The following LZTFL1 variants were observed in gnomAD, a reference collection of about 807,000 sequenced individuals.
LZTFL1 encodes the protein leucine zipper transcription factor like 1.
Under a neutral mutation model 45.9 loss-of-function variants are expected in LZTFL1, and 25 were observed. The observed-to-expected ratio is 0.54, with a 90% CI of 0.40 to 0.76. The LOEUF (loss-of-function observed/expected upper bound fraction) is 0.76. Ranked by LOEUF, LZTFL1 falls within the 30% of genes least tolerant of loss-of-function variation. The pLI, the probability that LZTFL1 is intolerant of heterozygous loss-of-function variation, is 0.00. For missense variants in LZTFL1, 277 were observed against 331.1 expected, an observed-to-expected ratio of 0.84 and a Z score of 1.27; for synonymous variants, 93 against 117.4, an observed-to-expected ratio of 0.79 and a Z score of 1.35.
intron 2 of LZTFL1, among the ~76,000 whole-genome samples, chr3:45,876,355 A>G (rs570415717): frequency 1.3e-5 from 2 of 152,318 alleles, no homozygotes; most frequent in Non-Finnish European, 2.9e-5. Flanking sequence ...TTAGAAATGA[A>G]ATATTTTAAT....
chr3:45,887,100 G>A (rs1220525225), intron 2 of LZTFL1, among the ~76,000 whole-genome samples: 1 of 152,174 alleles, frequency 6.6e-6, no homozygotes, highest in Admixed American at 6.5e-5. Flanking sequence ...GATGTATCTA[G>A]ACAATGGAAT....
rs1011242592 is a variant in LZTFL1 at position 45,825,199 on chromosome 3, G to A, written c.*1115C>T. The A allele has an allele frequency of 1.1e-5, 3 of 285,548 alleles. No individual in the cohort carries two copies. Among genetic ancestry groups the A allele is most frequent in the Non-Finnish European group, 1.9e-5 (3 of 155,994 alleles). The allele number at this position is 285,548 out of a possible 1,614,324, so 17.7% of individuals were successfully genotyped here. On this transcript the variant is annotated 3_prime_UTR_variant, in exon 10 of 10. Coordinates refer to ENST00000296135, the MANE Select transcript of LZTFL1 (RefSeq NM_020347.4). The stretch of plus-strand genomic sequence containing the variant: ...TTAGTAGACAGTGTTCATTTAGGGT[G>A]TGATACTCTCACTTTTAGAAGCAGG...
chr3:45,897,613 T>C, intron 2 of LZTFL1: 6 of 1,535,434 alleles, frequency 3.9e-6, no homozygotes, highest in Non-Finnish European at 5.2e-6. Flanking sequence ...CAGGAATCCA[T>C]CTCCTTCCAG....
chr3:45,912,198 G>A (rs1042968229), intron 2 of LZTFL1, among the ~76,000 whole-genome samples: 7 of 152,206 alleles, frequency 4.6e-5, no homozygotes, highest in Non-Finnish European at 1.0e-4. Flanking sequence ...AGATTGTTGC[G>A]TGTGTTTTTG....
chr3:45,837,572 TG>T (rs1430127748), intron 2 of LZTFL1, among the ~76,000 whole-genome samples: 5 of 152,256 alleles, frequency 3.3e-5, no homozygotes, highest in African/African-American at 1.2e-4. Flanking sequence ...CTAATTGCCA[TG>T]TCTTATAGCT....
intron 4 of LZTFL1, among the ~76,000 whole-genome samples, chr3:45,852,435 G>A (rs1320413606): frequency 6.6e-6 from 1 of 152,124 alleles, no homozygotes; most frequent in African/African-American, 2.4e-5. Flanking sequence ...TCCTCTTATG[G>A]GGGACTGACT....
rs562572209 is a variant in LZTFL1 at position 45,825,657 on chromosome 3, C to T, written c.*657G>A. ...TAATACAGACTCATGAAAAGTTATG[C>T]TGCAAAAAATGCTGAACCTCCTCTG... On this transcript the variant is annotated 3_prime_UTR_variant, in exon 10 of 10. Transcript: ENST00000296135. The T allele has an allele frequency of 6.6e-6, 1 of 152,206 alleles. No individual in the cohort carries two copies. The highest frequency in any genetic ancestry group is 6.5e-5 in the Admixed American group (1 of 15,280). 9.4% of individuals were successfully genotyped at this position (152,206 alleles called of 1,614,324 possible). A position where few individuals can be genotyped will look rare whatever the true frequency, so the allele number is the denominator to read the frequency against.
chr3:45,876,946 C>G (rs1315126733), intron 2 of LZTFL1, among the ~76,000 whole-genome samples: 1 of 152,136 alleles, frequency 6.6e-6, no homozygotes, highest in Non-Finnish European at 1.5e-5. Flanking sequence ...CCTCCGGGCT[C>G]TCTTCAAAGC....
intron 2 of LZTFL1, among the ~76,000 whole-genome samples, chr3:45,865,313 G>T (rs1244836150): frequency 6.6e-6 from 1 of 152,210 alleles, no homozygotes; most frequent in Non-Finnish European, 1.5e-5. Context: ...ATTGAAGTAG[G>T]ATACTCAGCA....
At chr3:45,879,805 T>TA (rs1489256406) in intron 2 of LZTFL1, among the ~76,000 whole-genome samples, 1 of 152,206 alleles carries the variant, frequency 6.6e-6, no homozygotes, top group African/African-American at 2.4e-5. Context: ...GCTGTGAACC[T>TA]AAAACTGCTC....
At chr3:45,856,609 G>C (rs1701397229) in intron 3 of LZTFL1, among the ~76,000 whole-genome samples, 1 of 152,024 alleles carries the variant, frequency 6.6e-6, no homozygotes, top group African/African-American at 2.4e-5. Context: ...TACAAGATGG[G>C]AGAAAATGTT....
intron 1 of LZTFL1, among the ~76,000 whole-genome samples, chr3:45,914,556 G>A (rs572463080): frequency 7.1e-4 from 108 of 152,258 alleles, no homozygotes; most frequent in African/African-American, 2.6e-3. Flanking sequence ...TTATAGGCAT[G>A]AGCCACCACA....
intron 5 of LZTFL1, 178 bp downstream of exon 5, chr3:45,832,872 C>A: frequency 1.9e-6 from 1 of 521,668 alleles, no homozygotes; most frequent in South Asian, 2.8e-5. Flanking sequence ...CTACTTCAGG[C>A]TCTCTAGAAG....
chr3:45,871,952 G>A (rs936368513), intron 2 of LZTFL1, among the ~76,000 whole-genome samples: 2 of 152,170 alleles, frequency 1.3e-5, no homozygotes. Flanking sequence ...AGTTGCCCAC[G>A]TAAGGAAGTG....
At chr3:45,887,369 C>T (rs1201484683) in intron 2 of LZTFL1, among the ~76,000 whole-genome samples, 1 of 151,976 alleles carries the variant, frequency 6.6e-6, no homozygotes, top group African/African-American at 2.4e-5. Flanking sequence ...TTTTTATTTT[C>T]TATATTATGT....
chr3:45,854,915 A>G, intron 4 of LZTFL1: 1 of 1,102,652 alleles, frequency 9.1e-7, no homozygotes. Context: ...AATCTGGAAT[A>G]ACAATAAAAA....
intron 2 of LZTFL1, among the ~76,000 whole-genome samples, chr3:45,878,768 C>T (rs1701797994): frequency 6.6e-6 from 1 of 152,106 alleles, no homozygotes; most frequent in South Asian, 2.1e-4. Context: ...AATTAAAAAA[C>T]AGGCAAAAGA....
chr3:45,914,312 G>C (rs368579291), intron 1 of LZTFL1, among the ~76,000 whole-genome samples: 22 of 150,074 alleles, frequency 1.5e-4, no homozygotes, highest in African/African-American at 5.4e-4. Context: ...TTTGAGACAG[G>C]GTCTCACTCT....
At chr3:45,874,730 C>T (rs12639224) in intron 2 of LZTFL1, among the ~76,000 whole-genome samples, 40,357 of 152,076 alleles carry the variant, frequency 0.27, 5,762 homozygotes, top group South Asian at 0.51. Context: ...ACCTTGAATC[C>T]GGGCGGACTT....
Sources: gnomAD v4.1 joint callset for allele counts (sites outside exome capture counted in the v4.1 genomes callset) on GRCh38, gnomAD v4.1.1 for gene constraint, MANE v1.5 for transcripts, NCBI Gene and HGNC (gene_info 2026-07-23, HGNC 2026-07-21) for gene names.